Variants in APBB2 observed in about 807,000 individuals in gnomAD.
APBB2 encodes Fe65-like 1.
APBB2 carries 38 observed loss-of-function variants against 82.5 expected under a neutral mutation model. That is an observed-to-expected ratio of 0.46 (90% CI 0.36 to 0.60). The LOEUF (loss-of-function observed/expected upper bound fraction) is 0.60. APBB2 is among the 20% of genes least tolerant of loss of function. The pLI, the probability that APBB2 is intolerant of heterozygous loss-of-function variation, is 0.00. For missense variants in APBB2, 772 were observed against 972.3 expected (o/e 0.79, Z 2.74); for synonymous variants, 341 against 368.2 (o/e 0.93, Z 0.85).
Position 40,826,040 on chromosome 4 carries a change from T to G in APBB2, c.1733-70A>C. On this transcript the variant is annotated intron_variant, in intron 14 of 17. Transcript: ENST00000508593. This position sits in a 1 kb window ranked among gnomAD's most constrained non-coding sequence, Gnocchi z 4.5. ...CACATGTACACAACAGCCGTGGCTC[T>G]GCATCATCTGAATGCTCAGGACACG... 8.4e-7 allele frequency: 1 copy of G among 1,188,950 alleles called. No individual in the cohort carries two copies. Among genetic ancestry groups the G allele is most frequent in the Non-Finnish European group, 1.3e-6 (1 of 792,864 alleles). The allele number at this position is 1,188,950 out of a possible 1,614,324, so 73.7% of individuals were successfully genotyped here. A position where few individuals can be genotyped will look rare whatever the true frequency, so the allele number is the denominator to read the frequency against.
intron 3 of APBB2, among the ~76,000 whole-genome samples, chr4:41,072,360 C>G (rs113850011): frequency 1.6e-4 from 24 of 152,300 alleles, no homozygotes; most frequent in South Asian, 6.2e-4. Context: ...CAGATGGCGG[C>G]TAGGCTTTGG....
chr4:41,203,708 A>G (rs1178261445), intron 1 of APBB2, among the ~76,000 whole-genome samples: 1 of 152,118 alleles, frequency 6.6e-6, no homozygotes, highest in African/African-American at 2.4e-5. Flanking sequence ...GTAAGCCCCA[A>G]TTCTCCCCAG....
chr4:40,830,436 G>C, intron 13 of APBB2, 27 bp downstream of exon 13: 1 of 1,494,972 alleles, frequency 6.7e-7, no homozygotes, highest in Non-Finnish European at 9.3e-7. Context: ...AGAGAGAGGC[G>C]GCCCATACTG....
chr4:41,135,983 C>A (rs1286746945), intron 2 of APBB2, among the ~76,000 whole-genome samples: 1 of 152,174 alleles, frequency 6.6e-6, no homozygotes, highest in Non-Finnish European at 1.5e-5. Flanking sequence ...CTGACACTCT[C>A]TTCATTCTGG....
chr4:41,170,938 G>C (rs938073818), intron 1 of APBB2, among the ~76,000 whole-genome samples: 1 of 152,148 alleles, frequency 6.6e-6, no homozygotes, highest in Non-Finnish European at 1.5e-5. Context: ...ATAAAAAGGA[G>C]GCCTAAATAA....
intron 6 of APBB2, among the ~76,000 whole-genome samples, chr4:40,987,077 GA>G (rs369800549): frequency 4.0e-4 from 61 of 152,240 alleles, no homozygotes; most frequent in African/African-American, 1.4e-3. Context: ...AGTATAGGAG[GA>G]AAATTAAATT....
intron 6 of APBB2, among the ~76,000 whole-genome samples, chr4:40,957,967 G>A (rs1490213634): frequency 6.6e-6 from 1 of 152,120 alleles, no homozygotes; most frequent in African/African-American, 2.4e-5. Flanking sequence ...TCCGTTCATA[G>A]ACTATTAACC....
chr4:40,999,088 G>T (rs1264457302), intron 6 of APBB2, among the ~76,000 whole-genome samples: 1 of 152,110 alleles, frequency 6.6e-6, no homozygotes, highest in Non-Finnish European at 1.5e-5. Context: ...ATATTTTGAG[G>T]TAATTATATT....
intron 2 of APBB2, among the ~76,000 whole-genome samples, chr4:41,133,331 T>G (rs963790898): frequency 6.6e-6 from 1 of 152,216 alleles, no homozygotes; most frequent in African/African-American, 2.4e-5. Context: ...TTGAATTGTG[T>G]CTATTTCAGA....
chr4:41,115,433 C>T (rs746973308), intron 2 of APBB2, among the ~76,000 whole-genome samples: 1 of 152,200 alleles, frequency 6.6e-6, no homozygotes, highest in Non-Finnish European at 1.5e-5. Flanking sequence ...ATGACTAAAA[C>T]ACCAAAAGCA....
In APBB2 at chr4:40,922,647, G is replaced by A. The variant is rs11731827; in HGVS notation, c.1254+11809C>T. The stretch of plus-strand genomic sequence containing the variant: ...ATTTTTTGAGATAGGATCTGGTTCT[G>A]TTGGCCAGGCTGGAGTGCAGTGGCG... On this transcript the variant is annotated intron_variant, in intron 10 of 17. Coordinates refer to ENST00000508593, the MANE Select transcript of APBB2 (RefSeq NM_004307.2). Among the ~76,000 whole-genome samples the A allele has an allele frequency of 8.0e-3, 1,214 of 152,318 alleles. 7 individuals carry two copies. The highest frequency in any genetic ancestry group is 0.014 in the Middle Eastern group (4 of 294).
At chr4:41,044,599 G>A (rs894455614) in intron 4 of APBB2, among the ~76,000 whole-genome samples, 2 of 152,136 alleles carry the variant, frequency 1.3e-5, no homozygotes, top group African/African-American at 4.8e-5. Flanking sequence ...ATGTCTGAAG[G>A]TCAATTTTGC....
intron 1 of APBB2, among the ~76,000 whole-genome samples, chr4:41,206,805 G>T (rs1181112371): frequency 6.6e-6 from 1 of 152,174 alleles, no homozygotes; most frequent in African/African-American, 2.4e-5. Context: ...CTAGCAAATT[G>T]TGATACTCAA....
intron 2 of APBB2, among the ~76,000 whole-genome samples, chr4:41,117,388 G>A (rs1462847377): frequency 6.6e-6 from 1 of 151,100 alleles, no homozygotes. Flanking sequence ...CACCTCCCAG[G>A]TTCAAGCAAT....
chr4:40,817,139 G>A (rs1470252302), intron 17 of APBB2, among the ~76,000 whole-genome samples: 1 of 151,894 alleles, frequency 6.6e-6, no homozygotes, highest in Non-Finnish European at 1.5e-5. Flanking sequence ...CAGTCATGGT[G>A]TTTCACTCCT....
At chr4:41,200,294 A>C (rs1245089050) in intron 1 of APBB2, among the ~76,000 whole-genome samples, 1 of 152,232 alleles carries the variant, frequency 6.6e-6, no homozygotes, top group Non-Finnish European at 1.5e-5. Context: ...GTATTCTATT[A>C]CCCTGACTGA....
At chr4:41,091,699 A>C (rs1033470199) in intron 3 of APBB2, among the ~76,000 whole-genome samples, 4 of 152,112 alleles carry the variant, frequency 2.6e-5, no homozygotes, top group African/African-American at 7.2e-5. Flanking sequence ...GCTCATGATT[A>C]TTTCTTTCTT....
chr4:41,014,592 C>T (rs1027088106), intron 5 of APBB2, 194 bp from the exon 6 acceptor site: 5 of 576,064 alleles, frequency 8.7e-6, no homozygotes, highest in Admixed American at 6.4e-5. Context: ...AAGGGCTTAA[C>T]GTGGATAACC....
chr4:40,881,740 G>A (rs1351492676), intron 12 of APBB2, among the ~76,000 whole-genome samples: 2 of 151,524 alleles, frequency 1.3e-5, no homozygotes, highest in Non-Finnish European at 2.9e-5. Context: ...CACCATGTTG[G>A]CCAGTCTGGT....
Sources: gnomAD v4.1 joint callset for allele counts (sites outside exome capture counted in the v4.1 genomes callset) on GRCh38, gnomAD v4.1.1 for gene constraint, Gnocchi (gnomAD v3.1) non-coding constraint, MANE v1.5 for transcripts, NCBI Gene and HGNC (gene_info 2026-07-23, HGNC 2026-07-21) for gene names.